Variants in PRKAR2A observed in about 807,000 individuals in gnomAD.
PRKAR2A encodes the protein cAMP-dependent protein kinase type II-alpha regulatory subunit.
In PRKAR2A, 29 loss-of-function variants were observed where a neutral mutation model predicts 51.9. The observed-to-expected ratio is 0.56, with a 90% CI of 0.42 to 0.76. The LOEUF (loss-of-function observed/expected upper bound fraction) is 0.76, where lower values mean the gene tolerates loss of function less well. Ranked by LOEUF, PRKAR2A falls within the 30% of genes least tolerant of loss-of-function variation. The pLI, the probability that PRKAR2A is intolerant of heterozygous loss-of-function variation, is 0.00. For missense variants in PRKAR2A, 445 were observed against 512.1 expected (o/e 0.87, Z 1.26); for synonymous variants, 178 against 186.2 (o/e 0.96, Z 0.36).
At chr3:48,756,032 G>C (rs1390941121) in intron 9 of PRKAR2A, among the ~76,000 whole-genome samples, 1 of 151,524 alleles carries the variant, frequency 6.6e-6, no homozygotes, top group African/African-American at 2.4e-5. Context: ...CGCCCGCCTT[G>C]CCCTCCCAAA....
intron 1 of PRKAR2A, among the ~76,000 whole-genome samples, chr3:48,825,019 TTTTC>T (rs2083036639): frequency 1.4e-5 from 2 of 143,066 alleles, no homozygotes; most frequent in African/African-American, 5.1e-5. Flanking sequence ...TTTATACTGA[TTTTC>T]TTTTCTTTTT....
rs760708044 is a variant in PRKAR2A, at chr3:48,773,072, T to C, written c.579A>G (p.Gln193=). 13 of 1,611,658 alleles carry C rather than the reference T, an allele frequency of 8.1e-6. No homozygotes were observed. The Admixed American group carries it at 1.7e-4, about 21-fold the overall frequency. Residue 193 remains glutamine (Q), a synonymous_variant, in exon 6 of 11, where the codon CAA becomes CAG. Transcript: ENST00000265563. ...TGTCATATTGACCAACAGAGCGGGT[T>C]TGATTATCTTTTGTTACTAAAATGT... is the stretch of plus-strand genomic sequence containing the variant. The part of the protein sequence containing the change: ...TYDILVTKDN[Q]TRSVGQYDNR...
At chr3:48,757,201 T>G (rs1346315745) in intron 8 of PRKAR2A, among the ~76,000 whole-genome samples, 1 of 152,110 alleles carries the variant, frequency 6.6e-6, no homozygotes, top group Non-Finnish European at 1.5e-5. Flanking sequence ...AAGATCTGTG[T>G]GGTAGGAAAG....
intron 1 of PRKAR2A, among the ~76,000 whole-genome samples, chr3:48,832,627 A>C (rs1479876292): frequency 6.6e-6 from 1 of 152,202 alleles, no homozygotes; most frequent in East Asian, 1.9e-4. Flanking sequence ...AACACCTGTA[A>C]TGATTCCTGA....
At chr3:48,783,240 G>C in intron 4 of PRKAR2A, 148 bp from the exon 5 acceptor site, 1 of 621,238 alleles carries the variant, frequency 1.6e-6, no homozygotes. Context: ...ATGCTTTCCT[G>C]GGACCATTCA....
chr3:48,755,674 C>G (rs1375499769), intron 9 of PRKAR2A, among the ~76,000 whole-genome samples: 1 of 150,770 alleles, frequency 6.6e-6, no homozygotes, highest in Non-Finnish European at 1.5e-5. Flanking sequence ...GTGGCACAAT[C>G]ACGGTTCACT....
At chr3:48,756,271 C>G in intron 9 of PRKAR2A, 108 bp downstream of exon 9, 1 of 954,956 alleles carries the variant, frequency 1.0e-6, no homozygotes, top group Non-Finnish European at 1.7e-6. Context: ...GCCAGTCACA[C>G]ACCTCACATA....
chr3:48,843,971 C>A (rs1170142455), intron 1 of PRKAR2A, among the ~76,000 whole-genome samples: 3 of 148,154 alleles, frequency 2.0e-5, no homozygotes, highest in East Asian at 2.0e-4. Context: ...GCAACAAAAG[C>A]CAAAATTGAC....
At chr3:48,772,291 G>A (rs1369523153) in intron 6 of PRKAR2A, among the ~76,000 whole-genome samples, 3 of 152,156 alleles carry the variant, frequency 2.0e-5, no homozygotes, top group Non-Finnish European at 4.4e-5. Context: ...CAGTCGCCCA[G>A]GCTAGAGTGC....
In PRKAR2A at chr3:48,789,910, C is replaced by T. The variant is rs144090821; in HGVS notation, c.435+634G>A. 3.1e-3 allele frequency among the ~76,000 whole-genome samples: 467 copies of T among 150,836 alleles called. 5 individuals are homozygous for T. Among genetic ancestry groups the T allele is most frequent in the African/African-American group, 0.011 (443 of 40,860 alleles). On this transcript the variant is annotated intron_variant, in intron 4 of 10. Coordinates refer to ENST00000265563, the MANE Select transcript of PRKAR2A (RefSeq NM_004157.4). Reference sequence around the variant, plus strand: ...TTCTCTCTTCCTTTCTTTTTCTCTCCCTCTCTCCCTCTCTTTTCTTTCTTT... The same window carrying T: ...TTCTCTCTTCCTTTCTTTTTCTCTCTCTCTCTCCCTCTCTTTTCTTTCTTT...
intron 6 of PRKAR2A, among the ~76,000 whole-genome samples, chr3:48,768,098 C>A (rs2081967435): frequency 6.6e-6 from 1 of 151,806 alleles, no homozygotes. Flanking sequence ...AGTTTGAGAA[C>A]AGCCTGGGCA....
chr3:48,828,694 C>T (rs566780022), intron 1 of PRKAR2A, among the ~76,000 whole-genome samples: 13 of 114,070 alleles, frequency 1.1e-4, no homozygotes, highest in African/African-American at 4.7e-4. Flanking sequence ...GGCAACAGAG[C>T]GAGCCCCTGT....
rs771478981 is a variant in PRKAR2A, at chr3:48,756,400, C to T, written c.918G>A (p.Val306=). ...TCACCCTGCTTCTAATCAAGATGCT[C>T]ACTTCGCCAGACTCTATGATGTAAA... ...DSFYIIESGE[V]SILIRSRTKS... The change falls in exon 9 of 11, where the codon GTG becomes GTA. Residue 306 remains valine, a synonymous_variant. Transcript: ENST00000265563. 6.2e-7 allele frequency: 1 copy of T among 1,613,838 alleles called. No homozygotes were observed. Among genetic ancestry groups the T allele is most frequent in the Non-Finnish European group, 8.5e-7 (1 of 1,179,946 alleles).
intron 1 of PRKAR2A, among the ~76,000 whole-genome samples, chr3:48,834,062 A>G (rs1444906662): frequency 1.3e-5 from 2 of 152,124 alleles, no homozygotes; most frequent in East Asian, 1.9e-4. Flanking sequence ...AAAAAAAAGA[A>G]AAAGAAAATG....
At chr3:48,846,692 G>T (rs2083468947) in intron 1 of PRKAR2A, among the ~76,000 whole-genome samples, 1 of 152,160 alleles carries the variant, frequency 6.6e-6, no homozygotes, top group Non-Finnish European at 1.5e-5. Flanking sequence ...TGATTCAATC[G>T]TTTTGGCCAA....
chr3:48,768,075 G>A (rs2081967085), intron 6 of PRKAR2A, among the ~76,000 whole-genome samples: 2 of 151,756 alleles, frequency 1.3e-5, no homozygotes, highest in African/African-American at 2.4e-5. Context: ...TGGGTGGATT[G>A]TTTGAGCCCA....
At chr3:48,844,886 C>T (rs1002719476) in intron 1 of PRKAR2A, among the ~76,000 whole-genome samples, 5 of 148,792 alleles carry the variant, frequency 3.4e-5, no homozygotes, top group East Asian at 2.0e-4. Flanking sequence ...TGCTAAATGA[C>T]GAGTTAATGG....
rs1289904035 is a variant in PRKAR2A at position 48,847,318 on chromosome 3, C to A, written c.262+17G>T. 1 of 1,612,688 alleles carries A rather than the reference C, an allele frequency of 6.2e-7. No homozygotes were observed. The highest frequency in any genetic ancestry group is 8.5e-7 in the Non-Finnish European group (1 of 1,179,318). On this transcript the variant is annotated intron_variant, in intron 1 of 10. Coordinates refer to ENST00000265563, the MANE Select transcript of PRKAR2A (RefSeq NM_004157.4). The surrounding 1 kb of genome is among the most constrained non-coding windows in gnomAD (Gnocchi z 4.4). ...AGACCTCCTGCACCACTCCCCAGGG[C>A]CCCGCCCACAGCCTACCTTCCAAGT...
chr3:48,810,928 G>A (rs2082760919), intron 1 of PRKAR2A, among the ~76,000 whole-genome samples: 1 of 152,100 alleles, frequency 6.6e-6, no homozygotes, highest in Non-Finnish European at 1.5e-5. Context: ...TATAATCTCA[G>A]CATTTTGGGA....
Sources: gnomAD v4.1 joint callset for allele counts (sites outside exome capture counted in the v4.1 genomes callset) on GRCh38, gnomAD v4.1.1 for gene constraint, Gnocchi (gnomAD v3.1) non-coding constraint, MANE v1.5 for transcripts, NCBI Gene and HGNC (gene_info 2026-07-23, HGNC 2026-07-21) for gene names.